The following L3MBTL3 variants were observed in gnomAD, a reference collection of about 807,000 sequenced individuals.
L3MBTL3 encodes the protein lethal(3)malignant brain tumor-like protein 3.
In L3MBTL3, 27 loss-of-function variants were observed where a neutral mutation model predicts 102.3. The observed-to-expected ratio is 0.26, with a 90% CI of 0.19 to 0.36. The LOEUF is 0.36. Ranked by LOEUF, L3MBTL3 falls within the 10% of genes least tolerant of loss-of-function variation. The probability of loss-of-function intolerance (pLI) is 1.00; values close to 1 mark genes in which losing one functional copy is unlikely to be tolerated. For missense variants in L3MBTL3, 798 were observed against 955.3 expected (o/e 0.84, Z 2.17); for synonymous variants, 340 against 320.9 (o/e 1.06, Z -0.64).
intron 1 of L3MBTL3, chr6:130,019,498 G>C (rs1778795723): frequency 1.3e-5 from 2 of 151,936 alleles, no homozygotes; most frequent in African/African-American, 4.8e-5. Flanking sequence ...AAAGAGGCCG[G>C]GCCACTTTCT....
At chr6:130,052,307 A>G (rs1045641174) in intron 6 of L3MBTL3, among the ~76,000 whole-genome samples, 2 of 151,802 alleles carry the variant, frequency 1.3e-5, no homozygotes, top group African/African-American at 4.8e-5. Context: ...GGGTTTCACC[A>G]TGTTAGCCAG....
intron 22 of L3MBTL3, among the ~76,000 whole-genome samples, chr6:130,136,447 G>T (rs561987566): frequency 2.0e-4 from 31 of 152,068 alleles, no homozygotes; most frequent in Non-Finnish European, 3.8e-4. Context: ...CTTCTGCACA[G>T]AACACTCTTC....
intron 20 of L3MBTL3, among the ~76,000 whole-genome samples, chr6:130,129,538 C>G (rs1238000419): frequency 6.6e-6 from 1 of 152,092 alleles, no homozygotes; most frequent in Non-Finnish European, 1.5e-5. Context: ...CGCAGTCAGC[C>G]TAAAATATTT....
intron 13 of L3MBTL3, among the ~76,000 whole-genome samples, chr6:130,073,217 GT>G (rs1005500565): frequency 6.6e-6 from 1 of 152,098 alleles, no homozygotes; most frequent in African/African-American, 2.4e-5. Context: ...GACCAGCCTG[GT>G]CAACATAGCA....
At chr6:130,099,505 G>A (rs1339888044) in intron 18 of L3MBTL3, among the ~76,000 whole-genome samples, 1 of 152,084 alleles carries the variant, frequency 6.6e-6, no homozygotes, top group Non-Finnish European at 1.5e-5. Flanking sequence ...TTTTGTATCT[G>A]TACATAACAG....
At chr6:130,090,166 A>G (rs1052702984) in intron 16 of L3MBTL3, among the ~76,000 whole-genome samples, 2 of 151,906 alleles carry the variant, frequency 1.3e-5, no homozygotes, top group African/African-American at 4.8e-5. Flanking sequence ...AGCTTAAGAA[A>G]GACTCATTGC....
chr6:130,036,124 C>T (rs890066601), intron 2 of L3MBTL3, among the ~76,000 whole-genome samples: 7 of 152,048 alleles, frequency 4.6e-5, no homozygotes, highest in Non-Finnish European at 4.4e-5. Flanking sequence ...CTCAGGAACA[C>T]GAATTGTTGA....
intron 18 of L3MBTL3, among the ~76,000 whole-genome samples, chr6:130,095,732 A>G (rs1168230139): frequency 6.6e-6 from 1 of 152,206 alleles, no homozygotes; most frequent in Non-Finnish European, 1.5e-5. Flanking sequence ...GGGCCAGCAT[A>G]TGGCGAGGGC....
At chr6:130,047,163 C>A (rs1003122503) in intron 3 of L3MBTL3, among the ~76,000 whole-genome samples, 1 of 151,938 alleles carries the variant, frequency 6.6e-6, no homozygotes, top group Non-Finnish European at 1.5e-5. Context: ...CCCCAGAAAG[C>A]TGTATATGCA....
At chr6:130,031,149 T>C (rs532659303) in intron 2 of L3MBTL3, among the ~76,000 whole-genome samples, 26 of 152,254 alleles carry the variant, frequency 1.7e-4, no homozygotes, top group African/African-American at 6.0e-4. Flanking sequence ...GCCATACCTT[T>C]CTCAGAATCA....
At chr6:130,101,218 G>A (rs10485401) in intron 18 of L3MBTL3, among the ~76,000 whole-genome samples, 9,665 of 152,264 alleles carry the variant, frequency 0.063, 446 homozygotes, top group Non-Finnish European at 0.1. Flanking sequence ...CATAAACAGA[G>A]TCAGGAACAG....
Position 130,060,131 on chromosome 6 carries a change from C to G in L3MBTL3, c.855C>G (p.Thr285=), listed in dbSNP as rs778244538. The G allele has an allele frequency of 8.8e-6, 14 of 1,590,222 alleles. No individual in the cohort carries two copies. In the African/African-American group the frequency reaches 1.9e-4, roughly 21 times the overall value. ...ATCAGTCTGTGTACTGTGTCCTCAC[C>G]GTCGCGGAGGTAAGCTTTGCCTCGT... ...PEHQSVYCVL[T]VAEVCGYRIK... The change falls in exon 10 of 23, where the codon ACC becomes ACG. Residue 285 remains threonine, a synonymous_variant. Coordinates refer to ENST00000361794, the MANE Select transcript of L3MBTL3 (RefSeq NM_032438.4).
In L3MBTL3 at chr6:130,133,511, T is replaced by C. The variant is rs532276510; in HGVS notation, c.2026T>C (p.Phe676Leu). The C allele has an allele frequency of 1.2e-6, 2 of 1,614,164 alleles. No individual in the cohort carries two copies. The highest frequency in any genetic ancestry group is 4.5e-5 in the East Asian group (2 of 44,868). Reference protein sequence around the residue: ...AQRRSAVFLSFKSPIPCLPLR... With the variant: ...AQRRSAVFLSLKSPIPCLPLR... ...GCGTCGGTCAGCTGTCTTTCTGTCC[T>C]TTAAGTCCCCAATTCCATGTCTGCC... Residue 676 changes from phenylalanine (F) to leucine (L), a missense_variant, in exon 21 of 23, where the codon TTT (phenylalanine) becomes CTT (leucine). Coordinates refer to ENST00000361794, the MANE Select transcript of L3MBTL3 (RefSeq NM_032438.4). The surrounding 1 kb of genome is among the most constrained non-coding windows in gnomAD (Gnocchi z 4.9).
At chr6:130,079,505 A>G (rs1783175449) in intron 14 of L3MBTL3, among the ~76,000 whole-genome samples, 1 of 152,164 alleles carries the variant, frequency 6.6e-6, no homozygotes, top group African/African-American at 2.4e-5. Context: ...TTGTGCGTAC[A>G]TCACTACTCA....
At chr6:130,023,057 A>G (rs1779110703) in intron 2 of L3MBTL3, among the ~76,000 whole-genome samples, 1 of 151,340 alleles carries the variant, frequency 6.6e-6, no homozygotes, top group Non-Finnish European at 1.5e-5. Flanking sequence ...TACTGTTTAT[A>G]CCTTTTTTTT....
chr6:130,108,761 T>G (rs1028242256), intron 19 of L3MBTL3, among the ~76,000 whole-genome samples: 12 of 152,094 alleles, frequency 7.9e-5, no homozygotes, highest in African/African-American at 2.9e-4. Flanking sequence ...TAGGTATACA[T>G]GTGCCATGGT....
rs778301052 is a variant in L3MBTL3, at chr6:130,042,685, G to C, written c.-15G>C. The C allele has an allele frequency of 1.3e-6, 2 of 1,577,884 alleles. No homozygotes were observed. The highest frequency in any genetic ancestry group is 2.2e-5 in the South Asian group (2 of 90,184). On this transcript the variant is annotated splice_region_variant and 5_prime_UTR_variant, in exon 3 of 23. Coordinates refer to ENST00000361794, the MANE Select transcript of L3MBTL3 (RefSeq NM_032438.4). ...GATATGCCTTCTTTTCCCCTTTCAGGTTAAAAAATAAATCATGACTGAATC... is the reference window on the plus strand; with the variant it reads ...GATATGCCTTCTTTTCCCCTTTCAGCTTAAAAAATAAATCATGACTGAATC...
At chr6:130,056,444 T>A (rs1781515619) in intron 8 of L3MBTL3, among the ~76,000 whole-genome samples, 1 of 152,172 alleles carries the variant, frequency 6.6e-6, no homozygotes, top group Admixed American at 6.5e-5. Context: ...AGTCATACTG[T>A]CCCGACAAAC....
At chr6:130,059,703 C>A (rs933833615) in intron 9 of L3MBTL3, among the ~76,000 whole-genome samples, 1 of 152,166 alleles carries the variant, frequency 6.6e-6, no homozygotes, top group Admixed American at 6.5e-5. Flanking sequence ...GCTTTACCAG[C>A]ACAGTGTTGT....
Sources: gnomAD v4.1 joint callset for allele counts (sites outside exome capture counted in the v4.1 genomes callset) on GRCh38, gnomAD v4.1.1 for gene constraint, Gnocchi (gnomAD v3.1) non-coding constraint, MANE v1.5 for transcripts, NCBI Gene and HGNC (gene_info 2026-07-23, HGNC 2026-07-21) for gene names.